The following MEIOC variants were observed in gnomAD, a reference collection of about 807,000 sequenced individuals.
MEIOC encodes the protein meiosis-specific coiled-coil domain-containing protein MEIOC.
Under a neutral mutation model 85.3 loss-of-function variants are expected in MEIOC, and 9 were observed. That is an observed-to-expected ratio of 0.11 (90% CI 0.06 to 0.18). MEIOC has a LOEUF of 0.18. Ranked by LOEUF, MEIOC falls within the 10% of genes least tolerant of loss-of-function variation. MEIOC has a pLI of 1.00. For synonymous variants in MEIOC, 365 were observed against 393.7 expected, an observed-to-expected ratio of 0.93 and a Z score of 0.86; for missense variants, 898 against 1,129.4, an observed-to-expected ratio of 0.80 and a Z score of 2.94.
intron 2 of MEIOC, among the ~76,000 whole-genome samples, chr17:44,660,350 C>T (rs1158370384): frequency 6.6e-6 from 1 of 152,092 alleles, no homozygotes; most frequent in East Asian, 1.9e-4. Context: ...AAGTGACTCT[C>T]CTGCCTCAGC....
At chr17:44,671,034 T>A (rs977566114) in intron 6 of MEIOC, 2 of 152,104 alleles carry the variant, frequency 1.3e-5, no homozygotes, top group Non-Finnish European at 2.9e-5. Flanking sequence ...TTGATAAAGA[T>A]TCTTCCTGGG....
At position 44,656,483 on chromosome 17, in the gene MEIOC, A is replaced by G. The variant is rs926626502; in HGVS notation, c.-131A>G. The G allele has an allele frequency of 3.6e-5, 21 of 577,208 alleles. No homozygotes were observed. Among genetic ancestry groups the G allele is most frequent in the Non-Finnish European group, 5.3e-5 (20 of 380,412 alleles). 35.8% of individuals were successfully genotyped at this position (577,208 alleles called of 1,614,324 possible). A position where few individuals can be genotyped will look rare whatever the true frequency, so the allele number is the denominator to read the frequency against. ...CCTTACCCGCACACTGGCTCCAGGC[A>G]GCGCCCGGGCGGCGGAGGCGGCTGC... On this transcript the variant is annotated 5_prime_UTR_variant, in exon 1 of 8. Coordinates refer to ENST00000409122, the MANE Select transcript of MEIOC (RefSeq NM_001145080.3).
At chr17:44,663,710 A>G (rs1352126424) in intron 3 of MEIOC, among the ~76,000 whole-genome samples, 1 of 152,134 alleles carries the variant, frequency 6.6e-6, no homozygotes, top group Non-Finnish European at 1.5e-5. Flanking sequence ...AGTTTGGTAT[A>G]TATTACATTG....
Position 44,656,533 on chromosome 17 carries a change from G to A in MEIOC, c.-81G>A. On this transcript the variant is annotated 5_prime_UTR_variant, in exon 1 of 8. Transcript: ENST00000409122. ...CGGAGACGGCGGGGTGCGGGCTGAG[G>A]GAGCCGGGCCTGGACGCCCCCCCCA... 1 of 1,152,258 alleles carries A rather than the reference G, an allele frequency of 8.7e-7. No homozygotes were observed. The highest frequency in any genetic ancestry group is 1.1e-6 in the Non-Finnish European group (1 of 875,756). The allele number at this position is 1,152,258 out of a possible 1,614,324, so 71.4% of individuals were successfully genotyped here. A position where few individuals can be genotyped will look rare whatever the true frequency, so the allele number is the denominator to read the frequency against.
chr17:44,658,525 T>G (rs1275564184), intron 2 of MEIOC, among the ~76,000 whole-genome samples: 2 of 147,782 alleles, frequency 1.4e-5, no homozygotes, highest in Non-Finnish European at 3.0e-5. Flanking sequence ...CCGGGCGCCA[T>G]GGCTCGTGCC....
At position 44,668,099 on chromosome 17, in the gene MEIOC, T is replaced by C. The variant is rs1424108541; in HGVS notation, c.2188T>C (p.Ser730Pro). 2 of 1,613,790 alleles carry C rather than the reference T, an allele frequency of 1.2e-6. No individual in the cohort carries two copies. Among genetic ancestry groups the C allele is most frequent in the Admixed American group, 3.3e-5 (2 of 59,988 alleles). Reference protein sequence around the residue: ...PYFNMMYGDNSFSGLMPTFGF... With the variant: ...PYFNMMYGDNPFSGLMPTFGF... Reference sequence around the variant, plus strand: ...TTTTAATATGATGTATGGTGATAATTCTTTTTCTGGTCTCATGCCAACTTT... The same window carrying C: ...TTTTAATATGATGTATGGTGATAATCCTTTTTCTGGTCTCATGCCAACTTT... Residue 730 changes from serine (S) to proline (P), a missense_variant, in exon 5 of 8, where the codon TCT becomes CCT. Ser to Pro is a moderately conservative substitution (Grantham distance 74). Coordinates refer to ENST00000409122, the MANE Select transcript of MEIOC (RefSeq NM_001145080.3).
Position 44,666,910 on chromosome 17 carries a change from T to G in MEIOC, c.999T>G (p.His333Gln), listed in dbSNP as rs1971912765. The G allele has an allele frequency of 6.2e-7, 1 of 1,609,368 alleles. No homozygotes were observed. The highest frequency in any genetic ancestry group is 1.7e-5 in the Admixed American group (1 of 59,078). Reference sequence around the variant, plus strand: ...ATTGTAGATACCCAGAGTATGTTCATCCTAATAAGGCTAAGCTTAATAAAT... The same window carrying G: ...ATTGTAGATACCCAGAGTATGTTCAGCCTAATAAGGCTAAGCTTAATAAAT... Reference protein sequence around the residue: ...VDYCRYPEYVHPNKAKLNKCS... With the variant: ...VDYCRYPEYVQPNKAKLNKCS... The change falls in exon 5 of 8, where the codon CAT becomes CAG. Residue 333 changes from histidine (H) to glutamine (Q), a missense_variant. Physicochemically the swap from His to Gln is conservative, Grantham distance 24. Around this residue, in one of 2 missense-constraint regions of MEIOC, gnomAD observed 734 missense variants for 860.1 expected, o/e 0.85. Coordinates refer to ENST00000409122, the MANE Select transcript of MEIOC (RefSeq NM_001145080.3).
At chr17:44,670,914 A>G (rs1214155610) in intron 6 of MEIOC, 1 of 152,066 alleles carries the variant, frequency 6.6e-6, no homozygotes, top group African/African-American at 2.4e-5. Context: ...TTGTAATTTA[A>G]TGATTATTCC....
chr17:44,671,065 G>A (rs1972002147), intron 6 of MEIOC: 1 of 151,526 alleles, frequency 6.6e-6, no homozygotes, highest in African/African-American at 2.4e-5. Flanking sequence ...GCAGCAAAAC[G>A]GATTACCTCT....
At chr17:44,672,225 G>A (rs183448483) in intron 6 of MEIOC, among the ~76,000 whole-genome samples, 16 of 152,076 alleles carry the variant, frequency 1.1e-4, no homozygotes, top group Non-Finnish European at 2.9e-5. Flanking sequence ...CAAATGATCC[G>A]CCCGCCTCGG....
chr17:44,656,673 A>C lies in MEIOC; in HGVS notation c.60A>C (p.Glu20Asp). Residue 20 changes from glutamate to aspartate, a missense_variant, in exon 1 of 8, where the codon GAA becomes GAC. Coordinates refer to ENST00000409122, the MANE Select transcript of MEIOC (RefSeq NM_001145080.3). ...CTCACCCCTCAGGCCTGAGGGAGGA[A>C]GGACTTGAGGTAATGGATGAGGAAG... Reference protein sequence around the residue: ...PRPHPSGLREEGLEPKVAFPG... With the variant: ...PRPHPSGLREDGLEPKVAFPG... The C allele has an allele frequency of 6.7e-7, 1 of 1,491,386 alleles. No homozygotes were observed. Among genetic ancestry groups the C allele is most frequent in the Non-Finnish European group, 8.9e-7 (1 of 1,120,828 alleles). The allele number at this position is 1,491,386 out of a possible 1,614,324, so 92.4% of individuals were successfully genotyped here.
At chr17:44,663,791 C>T (rs1038204943) in intron 3 of MEIOC, among the ~76,000 whole-genome samples, 1 of 151,966 alleles carries the variant, frequency 6.6e-6, no homozygotes, top group Non-Finnish European at 1.5e-5. Flanking sequence ...TATGAGATAA[C>T]ACATGTAGTA....
At chr17:44,671,617 T>A (rs1036928334) in intron 6 of MEIOC, among the ~76,000 whole-genome samples, 9 of 150,412 alleles carry the variant, frequency 6.0e-5, no homozygotes, top group African/African-American at 2.3e-4. Context: ...ATTTTAAAAT[T>A]ACATTTTCGC....
At chr17:44,661,120 T>TCTA (rs1398096046) in intron 2 of MEIOC, among the ~76,000 whole-genome samples, 1 of 151,428 alleles carries the variant, frequency 6.6e-6, no homozygotes, top group Non-Finnish European at 1.5e-5. Context: ...CCTAAAACTC[T>TCTA]CTACTGAAAA....
Position 44,675,052 on chromosome 17 carries a change from G to A in MEIOC, c.*856G>A, listed in dbSNP as rs1170534905. ...ACCCTTAGTTTGCTGCCTTTTATGA[G>A]GGTGTCACGAAGTTCTAAAATGTAT... On this transcript the variant is annotated 3_prime_UTR_variant, in exon 8 of 8. Transcript: ENST00000409122. The A allele has an allele frequency of 1.0e-6, 1 of 985,108 alleles. No individual in the cohort carries two copies. Among genetic ancestry groups the A allele is most frequent in the African/African-American group, 1.7e-5 (1 of 57,212 alleles). The allele number at this position is 985,108 out of a possible 1,614,324, so 61.0% of individuals were successfully genotyped here.
At position 44,667,041 on chromosome 17, in the gene MEIOC, C is replaced by T. The variant is rs368090785; in HGVS notation, c.1130C>T (p.Ala377Val). The stretch of plus-strand genomic sequence containing the variant: ...ACAAAGTTATTTCAGGTTAAGCCAG[C>T]GAATCAGAAAAAAATGGAGGAGACA... ...TYTKLFQVKP[A>V]NQKKMEETIP... The change falls in exon 5 of 8, where the codon GCG becomes GTG. Residue 377 changes from alanine (A) to valine (V), a missense_variant. Coordinates refer to ENST00000409122, the MANE Select transcript of MEIOC (RefSeq NM_001145080.3). The T allele has an allele frequency of 2.0e-5, 32 of 1,613,094 alleles. No homozygotes were observed. The highest frequency in any genetic ancestry group is 2.5e-5 in the Non-Finnish European group (29 of 1,179,692).
At position 44,675,513 on chromosome 17, in the gene MEIOC, A is replaced by T. The variant is rs1053246789; in HGVS notation, c.*1317A>T. The T allele has an allele frequency of 6.0e-5, 29 of 480,402 alleles. No individual in the cohort carries two copies. The highest frequency in any genetic ancestry group is 7.5e-5 in the Non-Finnish European group (28 of 373,236). The allele number at this position is 480,402 out of a possible 1,614,324, so 29.8% of individuals were successfully genotyped here. A position where few individuals can be genotyped will look rare whatever the true frequency, so the allele number is the denominator to read the frequency against. On this transcript the variant is annotated 3_prime_UTR_variant, in exon 8 of 8. Transcript: ENST00000409122. ...TCTTAGTTTTAGAAATTCTGGTATTAAAAAAAAAAAGAGTGTAATCATACC... is the reference window on the plus strand; with the variant it reads ...TCTTAGTTTTAGAAATTCTGGTATTTAAAAAAAAAAGAGTGTAATCATACC...
At position 44,674,444 on chromosome 17, in the gene MEIOC, A is replaced by G. The variant is rs1052542265; in HGVS notation, c.*248A>G. Reference sequence around the variant, plus strand: ...GAGTAGTCAGATAACAAGTTTAAGTAAATTAAATATTTCCTAACAGCTAAA... The same window carrying G: ...GAGTAGTCAGATAACAAGTTTAAGTGAATTAAATATTTCCTAACAGCTAAA... On this transcript the variant is annotated 3_prime_UTR_variant, in exon 8 of 8. Coordinates refer to ENST00000409122, the MANE Select transcript of MEIOC (RefSeq NM_001145080.3). 14 of 1,212,966 alleles carry G rather than the reference A, an allele frequency of 1.2e-5. No homozygotes were observed. The African/African-American group carries it at 1.8e-4, about 16-fold the overall frequency. 75.1% of individuals were successfully genotyped at this position (1,212,966 alleles called of 1,614,324 possible).
At chr17:44,665,955 A>G (rs1177441360) in intron 4 of MEIOC, among the ~76,000 whole-genome samples, 1 of 152,214 alleles carries the variant, frequency 6.6e-6, no homozygotes, top group East Asian at 1.9e-4. Context: ...TAGCACACAT[A>G]TAACCAATTA....
Sources: gnomAD v4.1 joint callset for allele counts (sites outside exome capture counted in the v4.1 genomes callset) on GRCh38, gnomAD v4.1.1 for gene constraint, gnomAD v4.1.1 regional missense constraint, MANE v1.5 for transcripts, NCBI Gene and HGNC (gene_info 2026-07-23, HGNC 2026-07-21) for gene names.